The following ZEB1 variants were observed in gnomAD, a reference collection of about 807,000 sequenced individuals.
ZEB1 encodes zinc finger E-box-binding homeobox 1.
A neutral mutation model predicts 84.9 loss-of-function variants in ZEB1; 21 were observed. That is an observed-to-expected ratio of 0.25 (90% confidence interval 0.18 to 0.36). The LOEUF (loss-of-function observed/expected upper bound fraction) is 0.36, where lower values mean the gene tolerates loss of function less well. Ranked by LOEUF, ZEB1 falls within the 10% of genes least tolerant of loss-of-function variation. The probability of loss-of-function intolerance (pLI) is 1.00; values close to 1 mark genes in which losing one functional copy is unlikely to be tolerated. For missense variants in ZEB1, 1,104 were observed against 1,330.2 expected (o/e 0.83, Z 2.65); for synonymous variants, 420 against 471.1 (o/e 0.89, Z 1.41).
chr10:31,495,008 T>C (rs2067016570), intron 2 of ZEB1, among the ~76,000 whole-genome samples: 2 of 152,020 alleles, frequency 1.3e-5, no homozygotes, highest in Admixed American at 1.3e-4. Context: ...GGTGTTTACT[T>C]TGGGCACAGT....
In ZEB1 at chr10:31,395,915, G is replaced by C. The variant is rs188465677; in HGVS notation, c.59-65122G>C. On this transcript the variant is annotated intron_variant, in intron 1 of 8. Coordinates refer to ENST00000424869, the MANE Select transcript of ZEB1 (RefSeq NM_001174096.2). ...ACCACAAAATTTGAACTAAAATCAA[G>C]GCAGTTTATTCTTATCCCATCATGT... 1.4e-4 allele frequency among the ~76,000 whole-genome samples: 21 copies of C among 152,036 alleles called. No homozygotes were observed. The East Asian group carries it at 3.9e-3, about 28-fold the overall frequency.
intron 8 of ZEB1, among the ~76,000 whole-genome samples, chr10:31,526,353 C>G (rs116755357): frequency 6.6e-6 from 1 of 152,180 alleles, no homozygotes; most frequent in Non-Finnish European, 1.5e-5. Flanking sequence ...TGCTCGTTCA[C>G]TACCAGACAT....
At chr10:31,405,709 CTT>C (rs952103661) in intron 1 of ZEB1, among the ~76,000 whole-genome samples, 1 of 145,458 alleles carries the variant, frequency 6.9e-6, no homozygotes, top group Non-Finnish European at 1.5e-5. Context: ...CACCTAGGCT[CTT>C]TTTTTTTTTA....
intron 1 of ZEB1, among the ~76,000 whole-genome samples, chr10:31,374,006 T>C (rs552518696): frequency 6.6e-6 from 1 of 151,850 alleles, no homozygotes; most frequent in Non-Finnish European, 1.5e-5. Flanking sequence ...ATGTTAGCTT[T>C]GGACAAGAGT....
chr10:31,319,064 C>T (rs2032903704), upstream of ZEB1: 5 of 655,304 alleles, frequency 7.6e-6, no homozygotes, highest in South Asian at 8.7e-5. Flanking sequence ...CAACAAGGTT[C>T]CGGCCGTAGA....
At chr10:31,442,894 A>C (rs2059206282) in intron 1 of ZEB1, among the ~76,000 whole-genome samples, 1 of 152,168 alleles carries the variant, frequency 6.6e-6, no homozygotes, top group African/African-American at 2.4e-5. Context: ...GGAGTGTTGT[A>C]ATTGGAGTAA....
chr10:31,338,316 A>G (rs1295515900), intron 1 of ZEB1, among the ~76,000 whole-genome samples: 4 of 152,166 alleles, frequency 2.6e-5, no homozygotes, highest in Non-Finnish European at 5.9e-5. Context: ...ATATTAATTT[A>G]TTTAGTATTC....
intron 1 of ZEB1, among the ~76,000 whole-genome samples, chr10:31,377,991 C>A (rs935019596): frequency 4.0e-5 from 6 of 151,090 alleles, no homozygotes; most frequent in African/African-American, 9.7e-5. Context: ...GGGAAAGGAA[C>A]TAAAACAAGC....
At chr10:31,343,284 GTTT>G (rs1278860211) in intron 1 of ZEB1, among the ~76,000 whole-genome samples, 1 of 152,036 alleles carries the variant, frequency 6.6e-6, no homozygotes, top group Non-Finnish European at 1.5e-5. Flanking sequence ...GAGCAATCCT[GTTT>G]CATTTTTAGA....
At chr10:31,364,070 A>G (rs1033382347) in intron 1 of ZEB1, among the ~76,000 whole-genome samples, 1 of 152,178 alleles carries the variant, frequency 6.6e-6, no homozygotes, top group Admixed American at 6.5e-5. Context: ...TTGTGCACAG[A>G]CGAAACTAAG....
chr10:31,491,634 C>T (rs986138050), intron 2 of ZEB1, among the ~76,000 whole-genome samples: 2 of 151,936 alleles, frequency 1.3e-5, no homozygotes, highest in African/African-American at 4.8e-5. Context: ...ATGTCATCTT[C>T]TCCAGTCCAC....
chr10:31,340,650 A>G (rs925542924), intron 1 of ZEB1, among the ~76,000 whole-genome samples: 3 of 152,194 alleles, frequency 2.0e-5, no homozygotes, highest in South Asian at 2.1e-4. Context: ...GCTGTGGTCT[A>G]TACTTAGGGA....
intron 1 of ZEB1, among the ~76,000 whole-genome samples, chr10:31,402,635 C>A (rs541495307): frequency 6.6e-6 from 1 of 152,056 alleles, no homozygotes; most frequent in South Asian, 2.1e-4. Flanking sequence ...GAAACAATTG[C>A]TGTGTGTTTT....
intron 1 of ZEB1, among the ~76,000 whole-genome samples, chr10:31,436,933 G>GA (rs2058358994): frequency 1.3e-5 from 2 of 152,110 alleles, no homozygotes; most frequent in Non-Finnish European, 2.9e-5. Flanking sequence ...TAGTTTGCAT[G>GA]ATCTTCTGCT....
In ZEB1 at chr10:31,527,759, A is replaced by C; in HGVS notation, c.*495A>C. ...TTATTATGTTTTTTAAAATGTGAGAACTTCTGCACTACAAAATTCCCTTCA... is the reference window on the plus strand; with the variant it reads ...TTATTATGTTTTTTAAAATGTGAGACCTTCTGCACTACAAAATTCCCTTCA... On this transcript the variant is annotated 3_prime_UTR_variant, in exon 9 of 9. Coordinates refer to ENST00000424869, the MANE Select transcript of ZEB1 (RefSeq NM_001174096.2). The C allele has an allele frequency of 6.2e-6, 1 of 161,968 alleles. No individual in the cohort carries two copies. Among genetic ancestry groups the C allele is most frequent in the Admixed American group, 5.8e-5 (1 of 17,206 alleles). 10.0% of individuals were successfully genotyped at this position (161,968 alleles called of 1,614,324 possible). A position where few individuals can be genotyped will look rare whatever the true frequency, so the allele number is the denominator to read the frequency against.
intron 1 of ZEB1, among the ~76,000 whole-genome samples, chr10:31,354,375 C>T (rs961661413): frequency 2.0e-5 from 3 of 152,216 alleles, no homozygotes; most frequent in African/African-American, 4.8e-5. Flanking sequence ...TATATTTTCT[C>T]GATTCTAAAA....
chr10:31,413,820 A>G (rs2054724469), intron 1 of ZEB1, among the ~76,000 whole-genome samples: 4 of 152,194 alleles, frequency 2.6e-5, no homozygotes, highest in African/African-American at 9.7e-5. Flanking sequence ...AAACATTTTT[A>G]TAATTTCATA....
chr10:31,395,033 G>A (rs2050441673), intron 1 of ZEB1, among the ~76,000 whole-genome samples: 1 of 152,192 alleles, frequency 6.6e-6, no homozygotes, highest in African/African-American at 2.4e-5. Flanking sequence ...TGGAGAGGAA[G>A]TGGGTTGTTG....
chr10:31,513,130 C>G (rs931475707), intron 5 of ZEB1, among the ~76,000 whole-genome samples: 1 of 152,096 alleles, frequency 6.6e-6, no homozygotes, highest in South Asian at 2.1e-4. Flanking sequence ...GAGACAAGAA[C>G]GGAAGCAGGG....
Sources: allele counts gnomAD v4.1 joint callset (sites outside exome capture counted in the v4.1 genomes callset), GRCh38; gene constraint gnomAD v4.1.1; transcripts MANE v1.5; gene names NCBI Gene and HGNC (gene_info 2026-07-23, HGNC 2026-07-21).